SV2B: variants seen among roughly 807,000 people sequenced by gnomAD.
SV2B encodes the protein synaptic vesicle glycoprotein 2B, also known as solute carrier family 22 member B2.
SV2B carries 41 observed loss-of-function variants against 73.9 expected under a neutral mutation model. That is an observed-to-expected ratio of 0.56 (90% CI 0.43 to 0.72). SV2B has a LOEUF of 0.72. SV2B is among the 30% of genes least tolerant of loss of function. The pLI is 0.00. For missense variants in SV2B, 764 were observed against 857.8 expected (o/e 0.89, Z 1.37); for synonymous variants, 314 against 314.2 (o/e 1.00, Z 0.01).
At chr15:91,246,832 T>C (rs780517512) in intron 2 of SV2B, among the ~76,000 whole-genome samples, 5 of 152,066 alleles carry the variant, frequency 3.3e-5, no homozygotes, top group Non-Finnish European at 7.4e-5. Context: ...TAAGGGATCA[T>C]TTCCCTAATA....
chr15:91,135,686 C>T (rs1042715190), intron 1 of SV2B, among the ~76,000 whole-genome samples: 12 of 152,190 alleles, frequency 7.9e-5, no homozygotes, highest in African/African-American at 2.2e-4. Context: ...TAGAAGGAAC[C>T]AGCGTTTACT....
chr15:91,159,933 A>G (rs2043650556), intron 1 of SV2B, among the ~76,000 whole-genome samples: 1 of 152,190 alleles, frequency 6.6e-6, no homozygotes. Context: ...TCCCTTTTCC[A>G]TTCTCAAAAA....
At chr15:91,147,888 T>C (rs2141207886) in intron 1 of SV2B, among the ~76,000 whole-genome samples, 1 of 151,754 alleles carries the variant, frequency 6.6e-6, no homozygotes, top group Admixed American at 6.6e-5. Flanking sequence ...CCAGGTATCA[T>C]TGCAGCATTT....
Position 91,240,846 on chromosome 15 carries a change from C to T in SV2B, c.452-10973C>T, listed in dbSNP as rs2046982515. Among the ~76,000 whole-genome samples the T allele has an allele frequency of 1.3e-5, 2 of 152,180 alleles. No homozygotes were observed. The highest frequency in any genetic ancestry group is 1.3e-4 in the Admixed American group (2 of 15,286). On this transcript the variant is annotated intron_variant, in intron 2 of 12. Transcript: ENST00000394232. The surrounding 1 kb of genome is among the most constrained non-coding windows in gnomAD (Gnocchi z 4.6). ...TGAGGATGTTAATTAGCCCTGCAGC[C>T]TCAGATGAGTGCTCTTGGCCCCGTC...
At chr15:91,179,678 G>A (rs1262530848) in intron 1 of SV2B, among the ~76,000 whole-genome samples, 23 of 152,020 alleles carry the variant, frequency 1.5e-4, no homozygotes, top group Non-Finnish European at 2.5e-4. Flanking sequence ...GATCTTTGTT[G>A]GTTTAAAGTC....
At chr15:91,278,251 T>A (rs2048557704) in intron 9 of SV2B, among the ~76,000 whole-genome samples, 1 of 152,128 alleles carries the variant, frequency 6.6e-6, no homozygotes, top group Non-Finnish European at 1.5e-5. Context: ...ACCCCTATTT[T>A]ATAGATTTTT....
chr15:91,146,769 T>C (rs1232120892), intron 1 of SV2B, among the ~76,000 whole-genome samples: 1 of 152,204 alleles, frequency 6.6e-6, no homozygotes, highest in Non-Finnish European at 1.5e-5. Flanking sequence ...CTGGGCTCTC[T>C]ATGGGCATTG....
chr15:91,184,518 G>T (rs777050422), intron 1 of SV2B, among the ~76,000 whole-genome samples: 1 of 152,150 alleles, frequency 6.6e-6, no homozygotes, highest in Non-Finnish European at 1.5e-5. Flanking sequence ...CCTCTTTAAA[G>T]AATCTTCCCC....
intron 1 of SV2B, among the ~76,000 whole-genome samples, chr15:91,211,739 T>TA (rs2045872700): frequency 1.3e-5 from 2 of 151,156 alleles, no homozygotes; most frequent in South Asian, 4.2e-4. Flanking sequence ...CCTGACCTCA[T>TA]AATCCACCCG....
chr15:91,150,911 C>A (rs1036027310), intron 1 of SV2B, among the ~76,000 whole-genome samples: 1 of 152,184 alleles, frequency 6.6e-6, no homozygotes, highest in Non-Finnish European at 1.5e-5. Flanking sequence ...GCACCCCCAC[C>A]CCTCTGCTCC....
In SV2B at chr15:91,120,811, CA is replaced by C. The variant is rs756474473; in HGVS notation, c.-392+20463del. On this transcript the variant is annotated intron_variant, in intron 1 of 12. Transcript: ENST00000394232. Reference sequence around the variant, plus strand: ...TGTGTGACAGAGTGAGAACCTGTCTCAAAAAAAAAAAAAAAGAAAGAAAAAG... The same window carrying C: ...TGTGTGACAGAGTGAGAACCTGTCTCAAAAAAAAAAAAAAGAAAGAAAAAG... Among the ~76,000 whole-genome samples the C allele has an allele frequency of 2.1e-3, 209 of 97,250 alleles. 1 individual carries two copies. Among genetic ancestry groups the C allele is most frequent in the East Asian group, 4.7e-3 (13 of 2,754 alleles). 63.8% of individuals were successfully genotyped at this position (97,250 alleles called of 152,430 possible).
chr15:91,199,047 C>T (rs140284467), intron 1 of SV2B, among the ~76,000 whole-genome samples: 6 of 152,104 alleles, frequency 3.9e-5, no homozygotes, highest in Admixed American at 2.0e-4. Context: ...GATGGGGTAT[C>T]CTTATGTTGC....
chr15:91,135,612 A>G (rs2042797519), intron 1 of SV2B, among the ~76,000 whole-genome samples: 1 of 152,236 alleles, frequency 6.6e-6, no homozygotes. Context: ...TCTGTCTGAT[A>G]TGAAAATCGA....
At position 91,130,643 on chromosome 15, in the gene SV2B, C is replaced by T. The variant is rs137875338; in HGVS notation, c.-392+30280C>T. 1.9e-4 allele frequency among the ~76,000 whole-genome samples: 29 copies of T among 152,190 alleles called. 1 individual carries two copies. Among genetic ancestry groups the T allele is most frequent in the Middle Eastern group, 6.8e-3 (2 of 294 alleles). ...GACAGGGACCAAGAGGAAGCTCCTG[C>T]GTGTCAGTCAGGATGTGGCTTGTGA... On this transcript the variant is annotated intron_variant, in intron 1 of 12. Transcript: ENST00000394232. The surrounding 1 kb of genome is among the most constrained non-coding windows in gnomAD (Gnocchi z 5.6).
intron 1 of SV2B, among the ~76,000 whole-genome samples, chr15:91,147,659 T>C (rs868533867): frequency 2.6e-5 from 4 of 152,248 alleles, no homozygotes; most frequent in Middle Eastern, 6.8e-3. Flanking sequence ...CAGTTTCAGG[T>C]AATTTATTTT....
intron 4 of SV2B, among the ~76,000 whole-genome samples, chr15:91,257,158 T>C (rs574866900): frequency 6.6e-6 from 1 of 152,354 alleles, no homozygotes; most frequent in African/African-American, 2.4e-5. Context: ...CTGATATTTA[T>C]CTATTTTATT....
chr15:91,230,284 C>T (rs928408950), intron 2 of SV2B, among the ~76,000 whole-genome samples: 8 of 150,992 alleles, frequency 5.3e-5, no homozygotes, highest in African/African-American at 1.2e-4. Flanking sequence ...AAAAGAAAGT[C>T]GCTGAAAGTG....
At chr15:91,277,561 G>A (rs1255050639) in intron 9 of SV2B, among the ~76,000 whole-genome samples, 4 of 152,128 alleles carry the variant, frequency 2.6e-5, no homozygotes, top group Non-Finnish European at 5.9e-5. Flanking sequence ...TATACAATAG[G>A]AAGCCTTTTG....
chr15:91,171,117 G>T lies in SV2B; in HGVS notation c.-391-54756G>T, dbSNP rs556664631. On this transcript the variant is annotated intron_variant, in intron 1 of 12. Coordinates refer to ENST00000394232, the MANE Select transcript of SV2B (RefSeq NM_001323032.3). ...TATGGATCTCGATCAGTCTGTCTCT[G>T]AAACCTGTGCTCTTAACTATTATGC... Among the ~76,000 whole-genome samples the T allele has an allele frequency of 4.6e-5, 7 of 152,212 alleles. No homozygotes were observed. The East Asian group carries it at 1.4e-3, about 29-fold the overall frequency.
Sources: allele counts gnomAD v4.1 joint callset (sites outside exome capture counted in the v4.1 genomes callset), GRCh38; gene constraint gnomAD v4.1.1; non-coding constraint Gnocchi (gnomAD v3.1); transcripts MANE v1.5; gene names NCBI Gene and HGNC (gene_info 2026-07-23, HGNC 2026-07-21).